The following TAFA2 variants were observed in gnomAD, a reference collection of about 807,000 sequenced individuals.
TAFA2 encodes the protein chemokine-like protein TAFA-2.
A neutral mutation model predicts 18.8 loss-of-function variants in TAFA2; 7 were observed. The ratio of observed to expected loss-of-function variants is 0.37; its 90% CI spans 0.21 to 0.70. The LOEUF is 0.70. Among genes scored for constraint, TAFA2 ranks in the 30% least tolerant of loss-of-function variants. The pLI is 0.53. For missense variants in TAFA2, 122 were observed against 158.1 expected, an observed-to-expected ratio of 0.77 and a Z score of 1.23; for synonymous variants, 60 against 54.2, an observed-to-expected ratio of 1.11 and a Z score of -0.47.
At chr12:61,910,246 T>A (rs1592479279) in intron 1 of TAFA2, among the ~76,000 whole-genome samples, 1 of 152,076 alleles carries the variant, frequency 6.6e-6, no homozygotes, top group African/African-American at 2.4e-5. Context: ...CAATCCACAG[T>A]GTAGAAGGAG....
intron 1 of TAFA2, among the ~76,000 whole-genome samples, chr12:62,122,116 C>T (rs763783907): frequency 1.4e-4 from 21 of 152,142 alleles, no homozygotes; most frequent in Non-Finnish European, 2.5e-4. Context: ...AATAACTAAT[C>T]GGTACTAGGT....
intron 1 of TAFA2, 71 bp from the exon 2 acceptor site, chr12:61,867,497 T>A: frequency 1.1e-6 from 1 of 899,220 alleles, no homozygotes; most frequent in Non-Finnish European, 1.8e-6. Context: ...TTGTGCTACA[T>A]GTAAAGCCTT....
intron 1 of TAFA2, among the ~76,000 whole-genome samples, chr12:61,965,962 T>C (rs1879051340): frequency 2.0e-5 from 3 of 151,898 alleles, no homozygotes; most frequent in Admixed American, 2.0e-4. Context: ...AACCCTGCCA[T>C]CCATTGATGG....
At chr12:62,076,907 C>T (rs1269435154) in intron 1 of TAFA2, among the ~76,000 whole-genome samples, 3 of 152,128 alleles carry the variant, frequency 2.0e-5, no homozygotes, top group African/African-American at 4.8e-5. Context: ...TAATCTAAAA[C>T]TGGAACCTCT....
chr12:61,906,290 G>A (rs528800920), intron 1 of TAFA2, among the ~76,000 whole-genome samples: 2 of 152,274 alleles, frequency 1.3e-5, no homozygotes, highest in East Asian at 3.9e-4. Context: ...CCCAGTGGGA[G>A]GTAACTGAAT....
chr12:61,813,258 T>C (rs1002344950), intron 2 of TAFA2, among the ~76,000 whole-genome samples: 4 of 151,450 alleles, frequency 2.6e-5, no homozygotes, highest in African/African-American at 9.8e-5. Flanking sequence ...CAGTAGTAAG[T>C]TGAGCTTTTT....
At chr12:61,919,616 C>G (rs1023072643) in intron 1 of TAFA2, among the ~76,000 whole-genome samples, 2 of 152,030 alleles carry the variant, frequency 1.3e-5, no homozygotes, top group Non-Finnish European at 2.9e-5. Flanking sequence ...ACCATCAATA[C>G]AATCTTCCTG....
intron 1 of TAFA2, among the ~76,000 whole-genome samples, chr12:62,088,614 TAAAA>T (rs139428735): frequency 9.6e-6 from 1 of 104,466 alleles, no homozygotes. Flanking sequence ...TGGACCACAT[TAAAA>T]AAAAAAAAAA....
intron 1 of TAFA2, among the ~76,000 whole-genome samples, chr12:61,915,600 A>G (rs753634792): frequency 1.3e-5 from 2 of 152,202 alleles, no homozygotes; most frequent in Non-Finnish European, 2.9e-5. Context: ...GTTGTAATTC[A>G]GTCTGAGTCC....
intron 1 of TAFA2, among the ~76,000 whole-genome samples, chr12:62,147,268 G>A (rs28676966): frequency 1.4e-4 from 20 of 143,184 alleles, no homozygotes; most frequent in African/African-American, 4.4e-4. Flanking sequence ...GTATATATAT[G>A]TGTGTGTGTA....
At chr12:62,201,683 T>C (rs1028838067) in intron 1 of TAFA2, among the ~76,000 whole-genome samples, 14 of 152,228 alleles carry the variant, frequency 9.2e-5, no homozygotes, top group African/African-American at 3.4e-4. Context: ...GACATTGGCC[T>C]GAACTTTGTT....
At chr12:62,066,471 G>C (rs905248385) in intron 1 of TAFA2, among the ~76,000 whole-genome samples, 1 of 151,434 alleles carries the variant, frequency 6.6e-6, no homozygotes, top group Non-Finnish European at 1.5e-5. Context: ...ACTCTTCCCA[G>C]CTACTGGTAA....
At chr12:62,224,480 C>G (rs1274339843) in intron 1 of TAFA2, among the ~76,000 whole-genome samples, 3 of 152,048 alleles carry the variant, frequency 2.0e-5, no homozygotes, top group African/African-American at 7.2e-5. Flanking sequence ...AGGGAGCTCT[C>G]TGAGGTCTCT....
chr12:62,243,787 A>T (rs2062873097), intron 1 of TAFA2, among the ~76,000 whole-genome samples: 1 of 152,126 alleles, frequency 6.6e-6, no homozygotes, highest in African/African-American at 2.4e-5. Flanking sequence ...AAGCTGTTTA[A>T]CATTCTTTTT....
At chr12:61,909,692 C>A (rs1293847931) in intron 1 of TAFA2, among the ~76,000 whole-genome samples, 1 of 152,092 alleles carries the variant, frequency 6.6e-6, no homozygotes, top group Non-Finnish European at 1.5e-5. Flanking sequence ...CTAAATGTTT[C>A]TAGAATAGGG....
chr12:62,228,702 T>C (rs894433219), intron 1 of TAFA2, among the ~76,000 whole-genome samples: 8 of 152,200 alleles, frequency 5.3e-5, no homozygotes, highest in Non-Finnish European at 1.2e-4. Context: ...TTTTTTTGGT[T>C]ATTCAGGATC....
At chr12:62,152,222 G>A (rs1264406746) in intron 1 of TAFA2, among the ~76,000 whole-genome samples, 1 of 152,124 alleles carries the variant, frequency 6.6e-6, no homozygotes, top group Non-Finnish European at 1.5e-5. Context: ...ATACTGTTTT[G>A]TATGCACAGT....
chr12:62,206,505 G>A (rs1293874601), intron 1 of TAFA2, among the ~76,000 whole-genome samples: 2 of 151,892 alleles, frequency 1.3e-5, no homozygotes, highest in Non-Finnish European at 2.9e-5. Context: ...TACTAAAATT[G>A]ACTTGTTATG....
At chr12:61,809,168 C>T (rs369385283) in intron 2 of TAFA2, among the ~76,000 whole-genome samples, 34 of 151,480 alleles carry the variant, frequency 2.2e-4, no homozygotes, top group Non-Finnish European at 3.7e-4. Flanking sequence ...TAGGGTTCAA[C>T]GTGCAATCTC....
Sources: gnomAD v4.1 joint callset for allele counts (sites outside exome capture counted in the v4.1 genomes callset) on GRCh38, gnomAD v4.1.1 for gene constraint, MANE v1.5 for transcripts, NCBI Gene and HGNC (gene_info 2026-07-23, HGNC 2026-07-21) for gene names.